The following NUTM1 variants were observed in gnomAD, a reference collection of about 807,000 sequenced individuals.
The protein encoded by NUTM1 is NUT midline carcinoma family member 1.
NUTM1 carries 39 observed loss-of-function variants against 88.7 expected under a neutral mutation model. The observed-to-expected ratio is 0.44, with a 90% CI of 0.34 to 0.57. The LOEUF is 0.57. Among genes scored for constraint, NUTM1 ranks in the 20% least tolerant of loss-of-function variants. NUTM1 has a pLI of 0.01. For synonymous variants in NUTM1, 494 were observed against 538.0 expected (o/e 0.92, Z 1.13); for missense variants, 1,350 against 1,414.5 (o/e 0.95, Z 0.73).
chr15:34,343,423 G>A lies in NUTM1; in HGVS notation c.-274G>A. 1 of 642,770 alleles carries A rather than the reference G, an allele frequency of 1.6e-6. No homozygotes were observed. Among genetic ancestry groups the A allele is most frequent in the Non-Finnish European group, 2.7e-6 (1 of 376,538 alleles). 39.8% of individuals were successfully genotyped at this position (642,770 alleles called of 1,614,324 possible). A position where few individuals can be genotyped will look rare whatever the true frequency, so the allele number is the denominator to read the frequency against. ...CTCAAGATACACACCCATTTCAGGA[G>A]CAGTGAGTTTTCAATGCCTGAAGAA... On this transcript the variant is annotated 5_prime_UTR_variant, in exon 1 of 8. Transcript: ENST00000537011.
rs2140147903 is a variant in NUTM1 at position 34,343,357 on chromosome 15, G to A, written c.-340G>A. The A allele has an allele frequency of 1.6e-6, 1 of 608,146 alleles. No individual in the cohort carries two copies. Among genetic ancestry groups the A allele is most frequent in the Middle Eastern group, 4.3e-4 (1 of 2,334 alleles). 37.7% of individuals were successfully genotyped at this position (608,146 alleles called of 1,614,324 possible). On this transcript the variant is annotated 5_prime_UTR_variant, in exon 1 of 8. The change abolishes an upstream ATG in the 5' untranslated region. Transcript: ENST00000537011. ...CACGGCGTTAGAGGGGGGTAGGGAT[G>A]GATGTGGATAGAATATTGACGTATA...
At position 34,356,964 on chromosome 15, in the gene NUTM1, A is replaced by G; in HGVS notation, c.2956A>G (p.Thr986Ala). The G allele has an allele frequency of 6.2e-7, 1 of 1,613,928 alleles. No individual in the cohort carries two copies. Among genetic ancestry groups the G allele is most frequent in the Non-Finnish European group, 8.5e-7 (1 of 1,179,974 alleles). The change falls in exon 8 of 8, where the codon ACT (threonine) becomes GCT (alanine). Residue 986 changes from threonine (T) to alanine (A), a missense_variant. Around this residue, in one of 5 missense-constraint regions of NUTM1, gnomAD observed 730 missense variants for 728.8 expected, o/e 1.00. Transcript: ENST00000537011. Reference protein sequence around the residue: ...PLQESQESYTTGTPKATSSHQ... With the variant: ...PLQESQESYTAGTPKATSSHQ... ...ACAAGAGAGTCAGGAGTCTTACACA[A>G]CTGGGACTCCCAAAGCAACATCTTC...
intron 2 of NUTM1, 125 bp downstream of exon 2, chr15:34,346,160 C>A: frequency 3.1e-6 from 3 of 970,220 alleles, no homozygotes; most frequent in Non-Finnish European, 4.9e-6. Context: ...CTTGGGGAGG[C>A]TAGGGAAGGA....
rs759804786 is a variant in NUTM1 at position 34,353,802 on chromosome 15, C to T, written c.1005C>T (p.Gly335=). ...QNTQLMNGSQ[G]LSPATPLKLD... ...CACAGCTGATGAATGGGTCTCAGGG[C>T]CTGTCTCCTGCAACCCCTTTGAAAC... The change falls in exon 5 of 8, where the codon GGC becomes GGT. Residue 335 remains glycine (G), a synonymous_variant. Coordinates refer to ENST00000537011, the MANE Select transcript of NUTM1 (RefSeq NM_001284292.2). 1.9e-6 allele frequency: 3 copies of T among 1,613,992 alleles called. No individual in the cohort carries two copies. Among genetic ancestry groups the T allele is most frequent in the South Asian group, 2.2e-5 (2 of 91,082 alleles).
chr15:34,355,840 G>A lies in NUTM1; in HGVS notation c.1832G>A (p.Arg611Lys). The A allele has an allele frequency of 4.3e-6, 7 of 1,614,152 alleles. No individual in the cohort carries two copies. The highest frequency in any genetic ancestry group is 5.9e-6 in the Non-Finnish European group (7 of 1,180,032). ...QGTPGPLGVE[R>K]RGSGKVINQV... ...ACTCCGGGACCCTTGGGTGTGGAGA[G>A]GAGAGGGTCTGGGAAGGTTATAAAC... The change falls in exon 8 of 8, where the codon AGG becomes AAG. Residue 611 changes from arginine (R) to lysine (K), a missense_variant. Physicochemically the swap from Arg to Lys is conservative, Grantham distance 26. Coordinates refer to ENST00000537011, the MANE Select transcript of NUTM1 (RefSeq NM_001284292.2). This position sits in a 1 kb window ranked among gnomAD's most constrained non-coding sequence, Gnocchi z 4.3.
chr15:34,343,863 A>G (rs1246590770), intron 1 of NUTM1, among the ~76,000 whole-genome samples, 161 bp downstream of exon 1: 1 of 152,194 alleles, frequency 6.6e-6, no homozygotes, highest in Non-Finnish European at 1.5e-5. Context: ...ATTTACAATG[A>G]CAAAAGCATT....
At position 34,354,510 on chromosome 15, in the gene NUTM1, G is replaced by T; in HGVS notation, c.1140G>T (p.Gln380His). ...CCCGCCGGCGTCAGCGTAAAGCCCA[G>T]AGACCTCCTGCTCCTGAGGCACCCA... ...RAPRRRQRKA[Q>H]RPPAPEAPKE... Residue 380 changes from glutamine to histidine, a missense_variant, in exon 6 of 8, where the codon CAG becomes CAT. Coordinates refer to ENST00000537011, the MANE Select transcript of NUTM1 (RefSeq NM_001284292.2). 6.2e-7 allele frequency: 1 copy of T among 1,614,190 alleles called. No individual in the cohort carries two copies. Among genetic ancestry groups the T allele is most frequent in the African/African-American group, 1.3e-5 (1 of 75,048 alleles).
intron 3 of NUTM1, 43 bp downstream of exon 3, chr15:34,348,720 A>G: frequency 7.1e-7 from 1 of 1,410,720 alleles, no homozygotes; most frequent in East Asian, 2.3e-5. Context: ...GGGCTTTTAA[A>G]TAAGGAGGAC....
intron 3 of NUTM1, among the ~76,000 whole-genome samples, chr15:34,349,239 G>A (rs1394755348): frequency 6.6e-6 from 1 of 152,144 alleles, no homozygotes; most frequent in Non-Finnish European, 1.5e-5. Flanking sequence ...GTGGTCAAGG[G>A]CATGGCTCTA....
At chr15:34,352,240 C>T (rs80312407) in intron 4 of NUTM1, among the ~76,000 whole-genome samples, 11,917 of 152,284 alleles carry the variant, frequency 0.078, 754 homozygotes, top group East Asian at 0.28. Flanking sequence ...CTTCCACTTA[C>T]TCCCTCCCAA....
chr15:34,355,604 G>T lies in NUTM1; in HGVS notation c.1596G>T (p.Gly532=). ...SPSGSVEDED[G]DGRLRPSPGL... is the part of the protein sequence containing the mutation. ...CTGGTTCTGTTGAGGATGAAGATGG[G>T]GATGGGCGGCTTCGGCCCTCACCTG... Residue 532 remains glycine (G), a synonymous_variant, in exon 8 of 8, where the codon GGG becomes GGT. Transcript: ENST00000537011. The surrounding 1 kb of genome is among the most constrained non-coding windows in gnomAD (Gnocchi z 4.3). The T allele has an allele frequency of 6.2e-7, 1 of 1,613,988 alleles. No individual in the cohort carries two copies. The highest frequency in any genetic ancestry group is 1.3e-5 in the African/African-American group (1 of 75,034).
Position 34,355,985 on chromosome 15 carries a change from G to A in NUTM1, c.1977G>A (p.Glu659=), listed in dbSNP as rs1283175574. The A allele has an allele frequency of 6.2e-7, 1 of 1,614,052 alleles. No homozygotes were observed. The highest frequency in any genetic ancestry group is 8.5e-7 in the Non-Finnish European group (1 of 1,180,028). The change falls in exon 8 of 8, where the codon GAG becomes GAA. Residue 659 remains glutamate, a synonymous_variant. Transcript: ENST00000537011. This position sits in a 1 kb window ranked among gnomAD's most constrained non-coding sequence, Gnocchi z 4.3. ...PLCWQGGFQP[E]STPSLDAGLA... ...GTTGGCAGGGAGGCTTCCAGCCTGA[G>A]AGCACTCCCAGTTTGGATGCTGGAC...
At chr15:34,350,173 C>T (rs1184141550) in intron 3 of NUTM1, among the ~76,000 whole-genome samples, 2 of 152,172 alleles carry the variant, frequency 1.3e-5, no homozygotes, top group Non-Finnish European at 2.9e-5. Context: ...GGCTCAAGAG[C>T]CCTCTAGAAG....
intron 2 of NUTM1, among the ~76,000 whole-genome samples, chr15:34,346,837 C>T (rs964266213): frequency 1.2e-4 from 14 of 121,136 alleles, no homozygotes; most frequent in African/African-American, 4.2e-4. Context: ...GAGCTAAGAT[C>T]GTGCTGCTGC....
At chr15:34,353,405 G>T (rs1890743857) in intron 4 of NUTM1, among the ~76,000 whole-genome samples, 1 of 151,626 alleles carries the variant, frequency 6.6e-6, no homozygotes, top group African/African-American at 2.4e-5. Context: ...GTGTTACCCA[G>T]GTTGGTCTCA....
chr15:34,357,195 C>T lies in NUTM1; in HGVS notation c.3187C>T (p.His1063Tyr). The T allele has an allele frequency of 1.9e-6, 3 of 1,614,174 alleles. No individual in the cohort carries two copies. Among genetic ancestry groups the T allele is most frequent in the Non-Finnish European group, 1.7e-6 (2 of 1,180,030 alleles). ...ASKLSLSPREHPLSPHHASGG... is the reference protein window; with the variant it reads ...ASKLSLSPREYPLSPHHASGG... ...TAAACTTAGCCTCTCACCAAGGGAG[C>T]ATCCCCTCAGTCCTCACCATGCCTC... Residue 1063 changes from histidine to tyrosine, a missense_variant, in exon 8 of 8, where the codon CAT (histidine) becomes TAT (tyrosine). His to Tyr is a moderately conservative substitution (Grantham distance 83). Transcript: ENST00000537011.
chr15:34,343,631 G>C lies in NUTM1; in HGVS notation c.-66G>C. ...AAAGTTATTTTATGAAACTGGTGAA[G>C]CATGTTTCAGCGGTCGAACCAAGAT... On this transcript the variant is annotated 5_prime_UTR_variant, in exon 1 of 8. Coordinates refer to ENST00000537011, the MANE Select transcript of NUTM1 (RefSeq NM_001284292.2). The C allele has an allele frequency of 6.5e-7, 1 of 1,535,088 alleles. No homozygotes were observed. Among genetic ancestry groups the C allele is most frequent in the African/African-American group, 1.4e-5 (1 of 73,136 alleles).
At chr15:34,352,750 G>C (rs1349039443) in intron 4 of NUTM1, among the ~76,000 whole-genome samples, 1 of 151,250 alleles carries the variant, frequency 6.6e-6, no homozygotes, top group African/African-American at 2.4e-5. Context: ...AGGTTGCAGT[G>C]AGCCGAGATT....
At chr15:34,354,963 C>T in intron 6 of NUTM1, 58 bp from the exon 7 acceptor site, 1 of 1,341,654 alleles carries the variant, frequency 7.5e-7, no homozygotes, top group Non-Finnish European at 1.1e-6. Flanking sequence ...CTGTAAAGCC[C>T]CTTGTTTCAC....
Sources: gnomAD v4.1 joint callset for allele counts (sites outside exome capture counted in the v4.1 genomes callset) on GRCh38, gnomAD v4.1.1 for gene constraint, gnomAD v4.1.1 regional missense constraint, Gnocchi (gnomAD v3.1) non-coding constraint, MANE v1.5 for transcripts, NCBI Gene and HGNC (gene_info 2026-07-23, HGNC 2026-07-21) for gene names.